The following CHP1 variants were observed in gnomAD, a reference collection of about 807,000 sequenced individuals.
CHP1 encodes calcineurin like EF-hand protein 1, also known as calcineurin B homologous protein 1.
Under a neutral mutation model 27.4 loss-of-function variants are expected in CHP1, and 11 were observed. That is an observed-to-expected ratio of 0.40 (90% CI 0.25 to 0.67). The LOEUF (loss-of-function observed/expected upper bound fraction) is 0.67. Among genes scored for constraint, CHP1 ranks in the 30% least tolerant of loss-of-function variants. The pLI, the probability that CHP1 is intolerant of heterozygous loss-of-function variation, is 0.38. For synonymous variants in CHP1, 89 were observed against 87.4 expected (o/e 1.02, Z -0.10); for missense variants, 169 against 251.3 (o/e 0.67, Z 2.22).
chr15:41,245,402 A>G (rs2047329459), intron 2 of CHP1, among the ~76,000 whole-genome samples: 1 of 152,154 alleles, frequency 6.6e-6, no homozygotes, highest in African/African-American at 2.4e-5. Context: ...AATTGCTTGA[A>G]CTTGGGAGGT....
intron 3 of CHP1, among the ~76,000 whole-genome samples, chr15:41,257,917 A>G (rs2047408828): frequency 6.6e-6 from 1 of 152,200 alleles, no homozygotes; most frequent in Non-Finnish European, 1.5e-5. Context: ...TTAAACACAT[A>G]TCAAGTCAGA....
At chr15:41,239,279 C>T (rs1263760848) in intron 1 of CHP1, among the ~76,000 whole-genome samples, 1 of 148,500 alleles carries the variant, frequency 6.7e-6, no homozygotes, top group African/African-American at 2.5e-5. Context: ...TTGTATGTTT[C>T]TCCACTGACT....
rs1595484873 is a variant in CHP1 at position 41,280,024 on chromosome 15, C to G, written c.*635C>G. 1 of 152,250 alleles carries G rather than the reference C, an allele frequency of 6.6e-6. No homozygotes were observed. The highest frequency in any genetic ancestry group is 2.4e-5 in the African/African-American group (1 of 41,410). 9.4% of individuals were successfully genotyped at this position (152,250 alleles called of 1,614,324 possible). A position where few individuals can be genotyped will look rare whatever the true frequency, so the allele number is the denominator to read the frequency against. On this transcript the variant is annotated 3_prime_UTR_variant, in exon 7 of 7. Transcript: ENST00000334660. ...CTCTGGGATGTTGCCTCTTCAGGAG[C>G]TTTTTGGTAATCAATACTTCTCTCA... is the stretch of plus-strand genomic sequence containing the variant.
At chr15:41,236,776 G>A (rs1026003162) in intron 1 of CHP1, among the ~76,000 whole-genome samples, 4 of 151,614 alleles carry the variant, frequency 2.6e-5, no homozygotes, top group African/African-American at 7.3e-5. Flanking sequence ...TGGTTTTTAC[G>A]TAACAACAAT....
intron 3 of CHP1, 118 bp downstream of exon 3, chr15:41,257,108 T>C: frequency 1.4e-6 from 1 of 705,242 alleles, no homozygotes; most frequent in South Asian, 1.9e-5. Context: ...CCTGATTATA[T>C]TGAGCAATTC....
intron 3 of CHP1, among the ~76,000 whole-genome samples, chr15:41,261,992 CAA>C (rs34691506): frequency 0.2 from 16,751 of 83,856 alleles, 1,663 homozygotes; most frequent in African/African-American, 0.36. Context: ...AACTCCATCT[CAA>C]AAAAAAAAAA....
At chr15:41,272,570 A>C (rs559983319) in intron 5 of CHP1, among the ~76,000 whole-genome samples, 2 of 151,372 alleles carry the variant, frequency 1.3e-5, no homozygotes, top group South Asian at 4.2e-4. Context: ...GCAGACATGC[A>C]CCACCATACC....
intron 5 of CHP1, among the ~76,000 whole-genome samples, 159 bp from the exon 6 acceptor site, chr15:41,278,608 T>C (rs527982596): frequency 1.6e-4 from 25 of 152,340 alleles, no homozygotes; most frequent in African/African-American, 5.8e-4. Context: ...CACCATTATA[T>C]ATGCAGTCGG....
chr15:41,263,707 T>A (rs1373676304), intron 4 of CHP1, among the ~76,000 whole-genome samples: 1 of 152,070 alleles, frequency 6.6e-6, no homozygotes, highest in Admixed American at 6.6e-5. Flanking sequence ...AAACATTGTC[T>A]CTAATAAAAA....
chr15:41,244,995 T>G (rs1191143035), intron 2 of CHP1, among the ~76,000 whole-genome samples: 1 of 152,156 alleles, frequency 6.6e-6, no homozygotes, highest in Non-Finnish European at 1.5e-5. Flanking sequence ...TGCTAAGCCT[T>G]TGGACGTAAT....
At chr15:41,278,350 A>AG (rs2047529844) in intron 5 of CHP1, among the ~76,000 whole-genome samples, 1 of 150,892 alleles carries the variant, frequency 6.6e-6, no homozygotes, top group Non-Finnish European at 1.5e-5. Context: ...AAAAAAAAAA[A>AG]GGAAAAAAAA....
chr15:41,233,277 G>GAAAT (rs1567001089), intron 1 of CHP1, among the ~76,000 whole-genome samples: 3 of 152,264 alleles, frequency 2.0e-5, no homozygotes, highest in Middle Eastern at 3.4e-3. Flanking sequence ...GAATCAAAGA[G>GAAAT]AAATAAATAT....
intron 5 of CHP1, among the ~76,000 whole-genome samples, chr15:41,277,681 G>A (rs1294430360): frequency 2.6e-5 from 4 of 152,014 alleles, no homozygotes; most frequent in African/African-American, 7.3e-5. Context: ...CCAGCTACTC[G>A]GGAGGCCGAG....
At chr15:41,254,602 T>C (rs566891222) in intron 2 of CHP1, among the ~76,000 whole-genome samples, 89 of 152,356 alleles carry the variant, frequency 5.8e-4, no homozygotes, top group Admixed American at 1.1e-3. Context: ...GGTTCATGCA[T>C]TGATATAAAA....
At chr15:41,240,479 C>T (rs1273865733) in intron 1 of CHP1, among the ~76,000 whole-genome samples, 1 of 152,140 alleles carries the variant, frequency 6.6e-6, no homozygotes, top group Non-Finnish European at 1.5e-5. Context: ...AAGAGCTGGG[C>T]GCGGTGGCTC....
intron 2 of CHP1, among the ~76,000 whole-genome samples, chr15:41,249,648 A>G (rs1362308861): frequency 1.3e-5 from 2 of 151,046 alleles, no homozygotes; most frequent in East Asian, 1.9e-4. Context: ...AATTTTTTGT[A>G]TTTTTAGTAG....
At chr15:41,273,065 A>G (rs1434028288) in intron 5 of CHP1, among the ~76,000 whole-genome samples, 1 of 152,052 alleles carries the variant, frequency 6.6e-6, no homozygotes, top group Non-Finnish European at 1.5e-5. Context: ...TCAAAAAAAA[A>G]AGAAAAGAAA....
chr15:41,233,607 T>G (rs1395636915), intron 1 of CHP1, among the ~76,000 whole-genome samples: 2 of 152,164 alleles, frequency 1.3e-5, no homozygotes, highest in Non-Finnish European at 2.9e-5. Context: ...AGTACTGTGC[T>G]AGGTACTCAG....
intron 4 of CHP1, chr15:41,264,320 C>A: frequency 1.6e-6 from 1 of 620,398 alleles, no homozygotes; most frequent in Non-Finnish European, 2.3e-6. Flanking sequence ...AGATTCCCCT[C>A]CTGATGCTGT....
Sources: gnomAD v4.1 joint callset for allele counts (sites outside exome capture counted in the v4.1 genomes callset) on GRCh38, gnomAD v4.1.1 for gene constraint, MANE v1.5 for transcripts, NCBI Gene and HGNC (gene_info 2026-07-23, HGNC 2026-07-21) for gene names.